The following FBN2 variants were observed in gnomAD, a reference collection of about 807,000 sequenced individuals.
FBN2 encodes the protein fibrillin 2, also known as fibrillin-2.
In FBN2, 105 loss-of-function variants were observed where a neutral mutation model predicts 355.6. The ratio of observed to expected loss-of-function variants is 0.30; its 90% CI spans 0.25 to 0.35. FBN2 has a LOEUF of 0.35. Among genes scored for constraint, FBN2 ranks in the 10% least tolerant of loss-of-function variants. FBN2 has a pLI of 1.00. For missense variants in FBN2, 3,280 were observed against 3,758.7 expected (o/e 0.87, Z 3.33); for synonymous variants, 1,350 against 1,301.2 (o/e 1.04, Z -0.81).
rs867126776 is a variant in FBN2, at chr5:128,403,074, G to C, written c.1078+5600C>G. On this transcript the variant is annotated intron_variant, in intron 8 of 64. Transcript: ENST00000262464. ...TTCCCTCTTTAGTTAAATAATTTTGGGTTCTCCAAGTGTTTTGTTTCAAAT... is the reference window on the plus strand; with the variant it reads ...TTCCCTCTTTAGTTAAATAATTTTGCGTTCTCCAAGTGTTTTGTTTCAAAT... 2.3e-4 allele frequency among the ~76,000 whole-genome samples: 35 copies of C among 151,882 alleles called. 1 individual carries two copies. The Middle Eastern group carries it at 0.024, about 103-fold the overall frequency.
chr5:128,448,895 T>C (rs1486149762), intron 6 of FBN2, among the ~76,000 whole-genome samples: 2 of 152,058 alleles, frequency 1.3e-5, no homozygotes, highest in Non-Finnish European at 2.9e-5. Flanking sequence ...TATCATCCTA[T>C]CCTTTAAATT....
At chr5:128,482,335 A>C (rs534796696) in intron 5 of FBN2, among the ~76,000 whole-genome samples, 1 of 152,122 alleles carries the variant, frequency 6.6e-6, no homozygotes, top group South Asian at 2.1e-4. Flanking sequence ...AGGGCCAAGC[A>C]GGGACTAGCT....
intron 8 of FBN2, among the ~76,000 whole-genome samples, chr5:128,397,816 A>C (rs1291427284): frequency 1.3e-5 from 2 of 152,032 alleles, no homozygotes; most frequent in East Asian, 3.9e-4. Flanking sequence ...GTGAATTTCA[A>C]CTCTGATAGT....
intron 25 of FBN2, among the ~76,000 whole-genome samples, chr5:128,339,451 CA>C (rs967421297): frequency 1.0e-3 from 147 of 147,728 alleles, no homozygotes; most frequent in African/African-American, 2.8e-3. Flanking sequence ...CCCATCTCTA[CA>C]AAAAAAAAAT....
At chr5:128,316,484 A>C (rs1052302097) in intron 36 of FBN2, among the ~76,000 whole-genome samples, 2 of 152,198 alleles carry the variant, frequency 1.3e-5, no homozygotes, top group Admixed American at 1.3e-4. Context: ...TGAACGCAAT[A>C]AAGTGTCAAT....
intron 48 of FBN2, among the ~76,000 whole-genome samples, chr5:128,300,433 G>A (rs917056280): frequency 1.1e-4 from 16 of 152,200 alleles, no homozygotes; most frequent in African/African-American, 2.9e-4. Flanking sequence ...CAGCATTGTC[G>A]AGATTTTTCT....
At chr5:128,411,122 G>T (rs905907884) in intron 7 of FBN2, among the ~76,000 whole-genome samples, 3 of 152,126 alleles carry the variant, frequency 2.0e-5, no homozygotes, top group Non-Finnish European at 4.4e-5. Context: ...TGCTGGAGGG[G>T]AGCACACAGG....
chr5:128,468,235 G>A (rs560471848), intron 5 of FBN2, among the ~76,000 whole-genome samples: 3 of 152,146 alleles, frequency 2.0e-5, no homozygotes, highest in Non-Finnish European at 2.9e-5. Context: ...CTAGCATAAT[G>A]TTCATCAAGA....
At chr5:128,515,705 C>T (rs1756263628) in intron 5 of FBN2, among the ~76,000 whole-genome samples, 1 of 152,084 alleles carries the variant, frequency 6.6e-6, no homozygotes, top group South Asian at 2.1e-4. Flanking sequence ...ACCTTTAATT[C>T]CACTGAAGAT....
intron 15 of FBN2, among the ~76,000 whole-genome samples, chr5:128,370,623 C>A (rs1751908060): frequency 6.6e-6 from 1 of 152,126 alleles, no homozygotes; most frequent in Non-Finnish European, 1.5e-5. Flanking sequence ...TAACATGGTT[C>A]ATCATTTCCA....
chr5:128,499,988 A>T (rs1321358136), intron 5 of FBN2, among the ~76,000 whole-genome samples: 1 of 152,172 alleles, frequency 6.6e-6, no homozygotes, highest in African/African-American at 2.4e-5. Context: ...AGGCACCCAC[A>T]GAATTAACGT....
chr5:128,314,467 G>C (rs1271539203), intron 36 of FBN2, among the ~76,000 whole-genome samples: 1 of 152,022 alleles, frequency 6.6e-6, no homozygotes, highest in East Asian at 1.9e-4. Context: ...ACAGGTGCCT[G>C]CCACCACGCG....
At chr5:128,427,294 G>A (rs1753507390) in intron 7 of FBN2, among the ~76,000 whole-genome samples, 1 of 152,118 alleles carries the variant, frequency 6.6e-6, no homozygotes, top group Non-Finnish European at 1.5e-5. Context: ...AACTTAATAA[G>A]CAAGAAGGTA....
At chr5:128,333,093 C>A in intron 31 of FBN2, 59 bp from the exon 32 acceptor site, 1 of 1,464,048 alleles carries the variant, frequency 6.8e-7, no homozygotes, top group Non-Finnish European at 9.6e-7. Flanking sequence ...ATTCTACTTC[C>A]AAGTATATTT....
intron 11 of FBN2, among the ~76,000 whole-genome samples, chr5:128,383,969 C>A (rs557684710): frequency 6.6e-6 from 1 of 152,028 alleles, no homozygotes; most frequent in Non-Finnish European, 1.5e-5. Flanking sequence ...AATGCTTATA[C>A]AAACACTTGT....
chr5:128,332,409 T>C (rs567675416), intron 32 of FBN2, among the ~76,000 whole-genome samples: 17 of 152,302 alleles, frequency 1.1e-4, no homozygotes, highest in African/African-American at 4.1e-4. Context: ...ACCATAAAAC[T>C]TGGAGAATTT....
At chr5:128,344,567 T>C (rs1472623697) in intron 24 of FBN2, 57 bp from the exon 25 acceptor site, 25 of 1,563,494 alleles carry the variant, frequency 1.6e-5, no homozygotes, top group Non-Finnish European at 2.2e-5. Context: ...ATTAGGTCCA[T>C]CACTTTAAGT....
intron 43 of FBN2, 81 bp downstream of exon 43, chr5:128,305,742 T>C (rs1343085569): frequency 4.4e-6 from 7 of 1,598,900 alleles, no homozygotes; most frequent in South Asian, 2.2e-5. Context: ...GTAGAAGAAA[T>C]AGTAAAAATC....
rs1476792786 is a variant in FBN2 at position 128,332,856 on chromosome 5, AAAG to A, written c.4222+53_4222+55del. 1.9e-6 allele frequency: 3 copies of A among 1,571,428 alleles called. No individual in the cohort carries two copies. In the African/African-American group the frequency reaches 4.0e-5, roughly 21 times the overall value. On this transcript the variant is annotated intron_variant, in intron 32 of 64. Coordinates refer to ENST00000262464, the MANE Select transcript of FBN2 (RefSeq NM_001999.4). ...GAGCATGATTCTACAACCATGCAAA[AAAG>A]AGCCTTTAAAAATTTGTGCCTTAGC... is the stretch of plus-strand genomic sequence containing the variant.
Sources: gnomAD v4.1 joint callset for allele counts (sites outside exome capture counted in the v4.1 genomes callset) on GRCh38, gnomAD v4.1.1 for gene constraint, MANE v1.5 for transcripts, NCBI Gene and HGNC (gene_info 2026-07-23, HGNC 2026-07-21) for gene names.